The following RASA1 variants were observed in gnomAD, a reference collection of about 807,000 sequenced individuals.
RASA1 encodes the protein RAS p21 protein activator 1.
RASA1 carries 25 observed loss-of-function variants against 132.2 expected under a neutral mutation model. The ratio of observed to expected loss-of-function variants is 0.19; its 90% CI spans 0.14 to 0.26. The LOEUF (loss-of-function observed/expected upper bound fraction) is 0.26, where lower values mean the gene tolerates loss of function less well. Among genes scored for constraint, RASA1 ranks in the 10% least tolerant of loss-of-function variants. The pLI, the probability that RASA1 is intolerant of heterozygous loss-of-function variation, is 1.00. For synonymous variants in RASA1, 477 were observed against 449.9 expected, an observed-to-expected ratio of 1.06 and a Z score of -0.76; for missense variants, 964 against 1,299.2, an observed-to-expected ratio of 0.74 and a Z score of 3.97.
Position 87,387,813 on chromosome 5 carries a change from A to C in RASA1, c.2925+910A>C, listed in dbSNP as rs149470458. On this transcript the variant is annotated intron_variant, in intron 23 of 24. Coordinates refer to ENST00000274376, the MANE Select transcript of RASA1 (RefSeq NM_002890.3). ...AGTGAAATTTATAGTGAAATGGACA[A>C]AAATGCTAAAAGTCCATCATGCTTC... 2.7e-3 allele frequency among the ~76,000 whole-genome samples: 405 copies of C among 152,318 alleles called. 2 individuals carry two copies. The highest frequency in any genetic ancestry group is 9.5e-3 in the African/African-American group (397 of 41,586).
intron 1 of RASA1, among the ~76,000 whole-genome samples, chr5:87,292,830 TGTA>T (rs1365747365): frequency 6.6e-6 from 1 of 152,170 alleles, no homozygotes; most frequent in Non-Finnish European, 1.5e-5. Flanking sequence ...ATCATAGTTT[TGTA>T]GTTTTTCTTT....
rs533035718 is a variant in RASA1 at position 87,320,509 on chromosome 5, A to G, written c.540-10839A>G. On this transcript the variant is annotated intron_variant, in intron 1 of 24. Transcript: ENST00000274376. ...GACTTACAATCATGGCAGAAGGCAAAGGGGAAGCAAGAACATCTTCACATG... is the reference window on the plus strand; with the variant it reads ...GACTTACAATCATGGCAGAAGGCAAGGGGGAAGCAAGAACATCTTCACATG... Among the ~76,000 whole-genome samples the G allele has an allele frequency of 3.3e-5, 5 of 152,320 alleles. No homozygotes were observed. The South Asian group carries it at 6.2e-4, about 19-fold the overall frequency.
At chr5:87,339,491 T>C (rs1216279934) in intron 5 of RASA1, among the ~76,000 whole-genome samples, 1 of 152,210 alleles carries the variant, frequency 6.6e-6, no homozygotes, top group Non-Finnish European at 1.5e-5. Flanking sequence ...CTCTCCTTGC[T>C]GTACCACCAT....
intron 1 of RASA1, among the ~76,000 whole-genome samples, chr5:87,304,381 A>G (rs1755512139): frequency 6.6e-6 from 1 of 151,782 alleles, no homozygotes; most frequent in Non-Finnish European, 1.5e-5. Context: ...TACTTTTACT[A>G]TTTCCCTAAC....
chr5:87,279,055 G>A (rs1754197442), intron 1 of RASA1, among the ~76,000 whole-genome samples: 1 of 151,728 alleles, frequency 6.6e-6, no homozygotes, highest in South Asian at 2.1e-4. Flanking sequence ...ACCAGCCTGG[G>A]CAACATGGCG....
intron 1 of RASA1, among the ~76,000 whole-genome samples, chr5:87,296,786 G>A (rs1011849483): frequency 6.6e-6 from 1 of 151,954 alleles, no homozygotes. Flanking sequence ...TTATTTTTAG[G>A]TTTTTAGGGG....
chr5:87,362,212 T>G (rs1760158915), intron 9 of RASA1, among the ~76,000 whole-genome samples: 1 of 152,254 alleles, frequency 6.6e-6, no homozygotes, highest in African/African-American at 2.4e-5. Context: ...CTACCAGTTA[T>G]GCTGGGACAA....
At chr5:87,390,359 A>G (rs1762411174) in intron 24 of RASA1, among the ~76,000 whole-genome samples, 1 of 152,132 alleles carries the variant, frequency 6.6e-6, no homozygotes, top group Non-Finnish European at 1.5e-5. Flanking sequence ...GGATTAAAGC[A>G]TTGAGTTTGG....
At chr5:87,333,168 T>G in intron 3 of RASA1, 99 bp from the exon 4 acceptor site, 1 of 1,511,854 alleles carries the variant, frequency 6.6e-7, no homozygotes, top group South Asian at 1.3e-5. Flanking sequence ...CCATGGAGTT[T>G]CTAATGTGAA....
At chr5:87,382,433 G>C (rs1761785882) in intron 20 of RASA1, among the ~76,000 whole-genome samples, 1 of 152,078 alleles carries the variant, frequency 6.6e-6, no homozygotes, top group Non-Finnish European at 1.5e-5. Context: ...TCATTATTTT[G>C]GGAATAATGC....
chr5:87,350,310 A>G (rs1258157582), intron 8 of RASA1, among the ~76,000 whole-genome samples: 3 of 151,826 alleles, frequency 2.0e-5, no homozygotes, highest in Non-Finnish European at 2.9e-5. Flanking sequence ...ATACATGACA[A>G]TCTGAGTTCT....
chr5:87,304,470 C>CTT (rs376100899), intron 1 of RASA1, among the ~76,000 whole-genome samples: 21 of 143,730 alleles, frequency 1.5e-4, no homozygotes, highest in Admixed American at 2.8e-4. Context: ...TTATTATACA[C>CTT]TTTTTTTTTT....
chr5:87,355,935 TG>T (rs1759615851), intron 9 of RASA1, among the ~76,000 whole-genome samples: 1 of 152,154 alleles, frequency 6.6e-6, no homozygotes, highest in South Asian at 2.1e-4. Context: ...AATTTGGAAG[TG>T]GAGCTTGAAG....
chr5:87,367,340 C>G (rs1015127238), intron 11 of RASA1, among the ~76,000 whole-genome samples: 1 of 152,110 alleles, frequency 6.6e-6, no homozygotes, highest in East Asian at 1.9e-4. Flanking sequence ...CAAATTAATG[C>G]CAGGCATTGA....
At chr5:87,381,097 T>C (rs1442685428) in intron 20 of RASA1, among the ~76,000 whole-genome samples, 1 of 152,104 alleles carries the variant, frequency 6.6e-6, no homozygotes, top group African/African-American at 2.4e-5. Context: ...TGGGAGCTTA[T>C]ATAAAGGGAC....
chr5:87,325,261 G>T (rs1188340669), intron 1 of RASA1, among the ~76,000 whole-genome samples: 1 of 152,124 alleles, frequency 6.6e-6, no homozygotes, highest in African/African-American at 2.4e-5. Flanking sequence ...CCATAATTCA[G>T]TTACTTCCCA....
intron 5 of RASA1, among the ~76,000 whole-genome samples, chr5:87,338,483 C>T (rs1046982473): frequency 2.2e-5 from 3 of 134,546 alleles, no homozygotes; most frequent in Admixed American, 1.5e-4. Context: ...AGACATGTGC[C>T]ACCATGCCCA....
At chr5:87,342,514 G>A (rs1758546054) in intron 6 of RASA1, among the ~76,000 whole-genome samples, 2 of 152,148 alleles carry the variant, frequency 1.3e-5, no homozygotes, top group South Asian at 4.1e-4. Flanking sequence ...ATGTAAGCAA[G>A]TGAAGCGGGT....
chr5:87,374,677 G>A lies in RASA1; in HGVS notation c.1935-163G>A, dbSNP rs563121761. 2.0e-5 allele frequency among the ~76,000 whole-genome samples: 3 copies of A among 151,102 alleles called. No homozygotes were observed. The East Asian group carries it at 5.8e-4, about 29-fold the overall frequency. On this transcript the variant is annotated intron_variant, in intron 14 of 24. Transcript: ENST00000274376. ...AAAGTGTGTAATCTGCGTGTCTTCT[G>A]TATACCAAATAATAAAATATGTTGT...
Sources: allele counts gnomAD v4.1 joint callset (sites outside exome capture counted in the v4.1 genomes callset), GRCh38; gene constraint gnomAD v4.1.1; transcripts MANE v1.5; gene names NCBI Gene and HGNC (gene_info 2026-07-23, HGNC 2026-07-21).